The following LRP1B variants were observed in gnomAD, a reference collection of about 807,000 sequenced individuals.
LRP1B encodes the protein low-density lipoprotein receptor-related protein 1B.
Under a neutral mutation model 556.6 loss-of-function variants are expected in LRP1B, and 217 were observed. That is an observed-to-expected ratio of 0.39 (90% CI 0.35 to 0.44). The LOEUF (loss-of-function observed/expected upper bound fraction) is 0.44, where lower values mean the gene tolerates loss of function less well. LRP1B is among the 20% of genes least tolerant of loss of function. The pLI is 1.00. For synonymous variants in LRP1B, 2,047 were observed against 1,865.8 expected, an observed-to-expected ratio of 1.10 and a Z score of -2.50; for missense variants, 5,053 against 5,620.8, an observed-to-expected ratio of 0.90 and a Z score of 3.23.
intron 87 of LRP1B, among the ~76,000 whole-genome samples, chr2:140,239,789 T>C (rs1012746560): frequency 3.3e-5 from 5 of 150,920 alleles, no homozygotes; most frequent in African/African-American, 1.2e-4. Context: ...AGATCTGACT[T>C]TTTTGTTGAT....
intron 35 of LRP1B, among the ~76,000 whole-genome samples, chr2:140,722,851 G>A (rs1379363708): frequency 6.6e-6 from 1 of 152,144 alleles, no homozygotes; most frequent in African/African-American, 2.4e-5. Context: ...AAACCATCCT[G>A]GCTAACATGG....
chr2:141,515,558 A>G (rs897458363), intron 2 of LRP1B, among the ~76,000 whole-genome samples: 19 of 25,336 alleles, frequency 7.5e-4, no homozygotes, highest in Non-Finnish European at 1.5e-3. Context: ...ACAAATATTT[A>G]TTTGCCAATA....
chr2:140,547,263 G>A (rs1455529981), intron 43 of LRP1B, among the ~76,000 whole-genome samples: 1 of 151,994 alleles, frequency 6.6e-6, no homozygotes, highest in African/African-American at 2.4e-5. Context: ...GGTAGACTTT[G>A]GCTGTGAATC....
intron 43 of LRP1B, among the ~76,000 whole-genome samples, chr2:140,580,059 G>T (rs1681700803): frequency 6.6e-6 from 1 of 152,082 alleles, no homozygotes. Flanking sequence ...AGCTCTCATG[G>T]CATTGCTGGT....
intron 1 of LRP1B, among the ~76,000 whole-genome samples, chr2:141,827,897 A>T (rs1696990168): frequency 6.6e-6 from 1 of 152,034 alleles, no homozygotes; most frequent in South Asian, 2.1e-4. Context: ...ATTTAGACAT[A>T]TATTTATATA....
intron 62 of LRP1B, among the ~76,000 whole-genome samples, chr2:140,452,474 T>G (rs901905542): frequency 6.6e-6 from 1 of 152,132 alleles, no homozygotes; most frequent in Non-Finnish European, 1.5e-5. Flanking sequence ...AGAAGTTCAA[T>G]GAAAAGCATA....
intron 1 of LRP1B, among the ~76,000 whole-genome samples, chr2:142,040,171 G>T (rs755170141): frequency 6.6e-6 from 1 of 151,174 alleles, no homozygotes; most frequent in Admixed American, 6.6e-5. Context: ...AACATAATCT[G>T]GTTTCTAATG....
chr2:140,279,270 T>C (rs944513157), intron 84 of LRP1B, among the ~76,000 whole-genome samples: 1 of 151,960 alleles, frequency 6.6e-6, no homozygotes, highest in Admixed American at 6.6e-5. Context: ...TCTCTTCAAG[T>C]GTCCTCTGTT....
intron 43 of LRP1B, among the ~76,000 whole-genome samples, chr2:140,546,869 T>C (rs1680360002): frequency 6.6e-6 from 1 of 152,116 alleles, no homozygotes; most frequent in African/African-American, 2.4e-5. Flanking sequence ...TTTGGGGTGT[T>C]GAATTTTATC....
At chr2:141,122,857 C>A (rs1007707299) in intron 7 of LRP1B, among the ~76,000 whole-genome samples, 3 of 152,054 alleles carry the variant, frequency 2.0e-5, no homozygotes, top group African/African-American at 7.2e-5. Flanking sequence ...ACCCAAATGT[C>A]CAACAATGAT....
At chr2:141,700,850 T>C (rs1054189870) in intron 2 of LRP1B, among the ~76,000 whole-genome samples, 1 of 151,878 alleles carries the variant, frequency 6.6e-6, no homozygotes, top group Admixed American at 6.6e-5. Context: ...GGAAAAAACA[T>C]TCTGATAAGG....
chr2:140,942,319 C>A (rs914550985), intron 20 of LRP1B, among the ~76,000 whole-genome samples: 46 of 152,240 alleles, frequency 3.0e-4, no homozygotes, highest in African/African-American at 1.1e-3. Context: ...ACACAGCTCA[C>A]TGGCATTCCA....
At chr2:140,304,597 C>T (rs1683985025) in intron 83 of LRP1B, among the ~76,000 whole-genome samples, 1 of 152,066 alleles carries the variant, frequency 6.6e-6, no homozygotes, top group African/African-American at 2.4e-5. Context: ...TTCTCCCATT[C>T]TGTAGGTTGC....
chr2:140,376,307 T>C (rs574366741), intron 68 of LRP1B, among the ~76,000 whole-genome samples: 4 of 152,296 alleles, frequency 2.6e-5, no homozygotes, highest in African/African-American at 4.8e-5. Context: ...ATTTCGCATA[T>C]GCACTTTGCA....
intron 1 of LRP1B, among the ~76,000 whole-genome samples, chr2:141,992,186 GT>G (rs1393321080): frequency 1.3e-5 from 2 of 152,002 alleles, no homozygotes; most frequent in Non-Finnish European, 2.9e-5. Context: ...TTTAATCACA[GT>G]TGGTTGATTC....
intron 12 of LRP1B, among the ~76,000 whole-genome samples, chr2:141,019,254 G>A (rs1269703180): frequency 3.3e-5 from 5 of 152,002 alleles, no homozygotes; most frequent in African/African-American, 9.7e-5. Flanking sequence ...ATAAAATGAT[G>A]TCCCTATATG....
Position 140,583,429 on chromosome 2 carries a change from A to C in LRP1B, c.7194+15202T>G, listed in dbSNP as rs368314613. ...GGCTTCAAGTGATCCACTTGCCTTG[A>C]CCTCCCAAACTGCTGGTATTACAGG... On this transcript the variant is annotated intron_variant, in intron 43 of 90. Transcript: ENST00000389484. Among the ~76,000 whole-genome samples the C allele has an allele frequency of 2.6e-4, 40 of 151,238 alleles. No individual in the cohort carries two copies. In the East Asian group the frequency reaches 5.9e-3, roughly 22 times the overall value.
At chr2:141,464,218 C>T (rs536827872) in intron 3 of LRP1B, among the ~76,000 whole-genome samples, 1 of 152,068 alleles carries the variant, frequency 6.6e-6, no homozygotes. Context: ...TTGCTAAAAA[C>T]GAGAGAAAAA....
Position 140,251,500 on chromosome 2 carries a change from C to T in LRP1B, c.13248-4338G>A, listed in dbSNP as rs149559556. On this transcript the variant is annotated intron_variant, in intron 86 of 90. Transcript: ENST00000389484. ...AATAAAATAATGAGATTAATATCTGCTCTTTCTTTTCATCAAATTTAAAGG... is the reference window on the plus strand; with the variant it reads ...AATAAAATAATGAGATTAATATCTGTTCTTTCTTTTCATCAAATTTAAAGG... Among the ~76,000 whole-genome samples the T allele has an allele frequency of 2.1e-3, 317 of 151,942 alleles. 1 individual carries two copies. The highest frequency in any genetic ancestry group is 5.9e-3 in the African/African-American group (247 of 41,538).
Sources: gnomAD v4.1 joint callset for allele counts (sites outside exome capture counted in the v4.1 genomes callset) on GRCh38, gnomAD v4.1.1 for gene constraint, MANE v1.5 for transcripts, NCBI Gene and HGNC (gene_info 2026-07-23, HGNC 2026-07-21) for gene names.